Variants in SORCS3 observed in about 807,000 individuals in gnomAD.
SORCS3 encodes sortilin related VPS10 domain containing receptor 3, also known as VPS10 domain-containing receptor SorCS3.
In SORCS3, 57 loss-of-function variants were observed where a neutral mutation model predicts 146.3. The observed-to-expected ratio is 0.39, with a 90% confidence interval of 0.31 to 0.49. SORCS3 has a LOEUF of 0.49. Ranked by LOEUF, SORCS3 falls within the 20% of genes least tolerant of loss-of-function variation. The probability of loss-of-function intolerance (pLI) is 0.92; values close to 1 mark genes in which losing one functional copy is unlikely to be tolerated. For missense variants in SORCS3, 1,341 were observed against 1,575.5 expected (o/e 0.85, Z 2.52); for synonymous variants, 653 against 618.5 (o/e 1.06, Z -0.83).
chr10:105,237,487 A>T (rs1416456356), intron 20 of SORCS3, among the ~76,000 whole-genome samples: 1 of 152,204 alleles, frequency 6.6e-6, no homozygotes, highest in African/African-American at 2.4e-5. Context: ...GGTTCCACAG[A>T]TTACAGTTTA....
intron 14 of SORCS3, 38 bp from the exon 15 acceptor site, chr10:105,199,961 C>A: frequency 6.8e-7 from 1 of 1,466,358 alleles, no homozygotes; most frequent in Non-Finnish European, 9.5e-7. Context: ...ATGGGACTTT[C>A]TCCCCTTGTG....
chr10:105,094,127 G>A (rs1182541491), intron 6 of SORCS3, among the ~76,000 whole-genome samples: 1 of 152,164 alleles, frequency 6.6e-6, no homozygotes, highest in Non-Finnish European at 1.5e-5. Flanking sequence ...GTTACATGCT[G>A]TATTATTCCA....
intron 3 of SORCS3, among the ~76,000 whole-genome samples, chr10:104,955,922 T>G (rs934297448): frequency 1.3e-5 from 2 of 152,168 alleles, no homozygotes; most frequent in East Asian, 3.9e-4. Flanking sequence ...TGCTGTAACT[T>G]AAGCAGGTAA....
intron 2 of SORCS3, among the ~76,000 whole-genome samples, chr10:104,884,593 T>C (rs953142664): frequency 6.6e-6 from 1 of 152,132 alleles, no homozygotes; most frequent in African/African-American, 2.4e-5. Context: ...TGTTGTACTG[T>C]ATGGGAAGTG....
intron 14 of SORCS3, among the ~76,000 whole-genome samples, chr10:105,193,571 A>G (rs116454241): frequency 0.011 from 1,633 of 152,274 alleles, 32 homozygotes; most frequent in African/African-American, 0.038. Flanking sequence ...AAAGAAAATA[A>G]ACTCTTAGAA....
intron 1 of SORCS3, among the ~76,000 whole-genome samples, chr10:104,788,416 A>G (rs1186088166): frequency 6.6e-6 from 1 of 152,172 alleles, no homozygotes; most frequent in African/African-American, 2.4e-5. Flanking sequence ...ATGTAAAAGA[A>G]GGAAAAAAAA....
intron 1 of SORCS3, among the ~76,000 whole-genome samples, chr10:104,712,055 C>T (rs1436125385): frequency 6.6e-6 from 1 of 152,128 alleles, no homozygotes; most frequent in Non-Finnish European, 1.5e-5. Flanking sequence ...TAAGTTTCTC[C>T]CCTTTCCTAC....
intron 20 of SORCS3, 84 bp downstream of exon 20, chr10:105,223,333 C>A: frequency 7.4e-7 from 1 of 1,360,156 alleles, no homozygotes; most frequent in Admixed American, 2.4e-5. Context: ...TTAGGGGGCA[C>A]TGAGAATGCA....
chr10:104,844,140 A>G (rs768052016), intron 2 of SORCS3, among the ~76,000 whole-genome samples: 1 of 152,202 alleles, frequency 6.6e-6, no homozygotes, highest in Non-Finnish European at 1.5e-5. Context: ...CAGGATGTCT[A>G]AAACCTAATT....
At chr10:104,664,936 A>G (rs577908459) in intron 1 of SORCS3, 1 of 152,624 alleles carries the variant, frequency 6.6e-6, no homozygotes, top group Non-Finnish European at 1.5e-5. Context: ...GGCTATGGGG[A>G]TGGGATCGGG....
At chr10:104,840,722 T>A (rs1002526351) in intron 1 of SORCS3, among the ~76,000 whole-genome samples, 2 of 152,384 alleles carry the variant, frequency 1.3e-5, no homozygotes, top group Admixed American at 1.3e-4. Context: ...GTGAAACTCT[T>A]ACCCTCAGCA....
chr10:105,237,593 A>G (rs550125275), intron 20 of SORCS3, among the ~76,000 whole-genome samples: 4 of 152,322 alleles, frequency 2.6e-5, no homozygotes, highest in African/African-American at 9.6e-5. Flanking sequence ...CAAGATGGCC[A>G]TGGTCCCCAG....
chr10:105,220,613 G>A (rs567934159), intron 19 of SORCS3, among the ~76,000 whole-genome samples: 3 of 152,036 alleles, frequency 2.0e-5, no homozygotes, highest in East Asian at 1.9e-4. Context: ...AAGGTAAAAG[G>A]GTCCCCTAAA....
At chr10:105,130,621 A>G (rs1029313016) in intron 7 of SORCS3, among the ~76,000 whole-genome samples, 13 of 152,128 alleles carry the variant, frequency 8.5e-5, no homozygotes, top group African/African-American at 3.1e-4. Flanking sequence ...CTTCAGTGTC[A>G]ACTATCTTAT....
chr10:104,705,938 C>G (rs1018445809), intron 1 of SORCS3, among the ~76,000 whole-genome samples: 3 of 152,284 alleles, frequency 2.0e-5, no homozygotes, highest in Middle Eastern at 3.4e-3. Flanking sequence ...TAGAGGGGTG[C>G]TGGGCCCGAG....
At chr10:104,660,988 T>C (rs1000444803) in intron 1 of SORCS3, among the ~76,000 whole-genome samples, 6 of 152,242 alleles carry the variant, frequency 3.9e-5, no homozygotes, top group African/African-American at 1.2e-4. Context: ...GTACCTTTTT[T>C]CCTTTTTAAA....
At chr10:104,751,150 T>C (rs1349759697) in intron 1 of SORCS3, among the ~76,000 whole-genome samples, 1 of 152,176 alleles carries the variant, frequency 6.6e-6, no homozygotes, top group Non-Finnish European at 1.5e-5. Flanking sequence ...TATTGTTTAA[T>C]GCAGTATGAG....
intron 1 of SORCS3, among the ~76,000 whole-genome samples, chr10:104,706,732 C>T (rs769585744): frequency 2.0e-4 from 30 of 152,312 alleles, no homozygotes; most frequent in Admixed American, 1.0e-3. Flanking sequence ...AGCTTATGCA[C>T]ACACACATAC....
At chr10:104,823,655 G>C (rs1195989228) in intron 1 of SORCS3, among the ~76,000 whole-genome samples, 1 of 152,154 alleles carries the variant, frequency 6.6e-6, no homozygotes, top group African/African-American at 2.4e-5. Context: ...AAGCTCATTA[G>C]ACATCTTCAT....
Sources: allele counts gnomAD v4.1 joint callset (sites outside exome capture counted in the v4.1 genomes callset), GRCh38; gene constraint gnomAD v4.1.1; transcripts MANE v1.5; gene names NCBI Gene and HGNC (gene_info 2026-07-23, HGNC 2026-07-21).